DPH6: variants seen among roughly 807,000 people sequenced by gnomAD.
DPH6 encodes diphthine--ammonia ligase.
A neutral mutation model predicts 38.2 loss-of-function variants in DPH6; 33 were observed. The observed-to-expected ratio is 0.86, with a 90% CI of 0.65 to 1.15. DPH6 has a LOEUF of 1.15. DPH6 is among the 50% of genes most tolerant of loss of function. The pLI is 0.00. For synonymous variants in DPH6, 108 were observed against 103.0 expected, an observed-to-expected ratio of 1.05 and a Z score of -0.30; for missense variants, 325 against 320.0, an observed-to-expected ratio of 1.02 and a Z score of -0.12.
At chr15:35,311,127 G>T (rs1458103943) in intron 3 of DPH6, among the ~76,000 whole-genome samples, 1 of 151,310 alleles carries the variant, frequency 6.6e-6, no homozygotes, top group Non-Finnish European at 1.5e-5. Context: ...TACTAAAAGA[G>T]ATTGGAGAAT....
chr15:35,438,497 T>C (rs1340143195), intron 5 of DPH6, among the ~76,000 whole-genome samples: 2 of 152,228 alleles, frequency 1.3e-5, no homozygotes, highest in Non-Finnish European at 2.9e-5. Flanking sequence ...GTCTTCCAGC[T>C]TTACCTGTTT....
intron 3 of DPH6, among the ~76,000 whole-genome samples, chr15:35,268,524 C>G (rs1039034670): frequency 6.7e-5 from 10 of 149,354 alleles, no homozygotes; most frequent in Non-Finnish European, 1.5e-4. Context: ...GTTTGCAGCT[C>G]TAAAAAAAAA....
At position 35,484,577 on chromosome 15, in the gene DPH6, T is replaced by C. The variant is rs191567694; in HGVS notation, c.313-29757A>G. Among the ~76,000 whole-genome samples, 481 of 152,340 alleles carry C rather than the reference T, an allele frequency of 3.2e-3. 11 individuals are homozygous for C. Among genetic ancestry groups the C allele is most frequent in the Non-Finnish European group, 4.0e-3 (269 of 68,024 alleles). On this transcript the variant is annotated intron_variant, in intron 3 of 8. Transcript: ENST00000256538. ...CTCAGTTTCTTGCCATGTGGACCCC[T>C]CCATCGGGAAGCTTACAATATGGCA...
chr15:35,525,517 G>C (rs1479399853), intron 3 of DPH6, among the ~76,000 whole-genome samples: 1 of 152,022 alleles, frequency 6.6e-6, no homozygotes, highest in Non-Finnish European at 1.5e-5. Context: ...ACAAGCTCAG[G>C]GGACAACTAA....
chr15:35,290,125 T>C (rs764283443), intron 3 of DPH6, among the ~76,000 whole-genome samples: 9 of 152,318 alleles, frequency 5.9e-5, no homozygotes, highest in African/African-American at 1.2e-4. Flanking sequence ...CAAGGGCAAA[T>C]TGAAGCCAGC....
At chr15:35,240,346 C>T (rs1221037461) in intron 3 of DPH6, among the ~76,000 whole-genome samples, 2 of 142,950 alleles carry the variant, frequency 1.4e-5, no homozygotes, top group Middle Eastern at 3.6e-3. Flanking sequence ...TGCAACTCGT[C>T]CCAAATCTTC....
intron 1 of DPH6, among the ~76,000 whole-genome samples, chr15:35,542,945 A>AAC (rs918808642): frequency 7.3e-4 from 22 of 30,228 alleles, no homozygotes; most frequent in African/African-American, 1.6e-3. Flanking sequence ...CCACTTAAGG[A>AAC]ATATATATAT....
chr15:35,245,767 T>C (rs1003186259), intron 3 of DPH6, among the ~76,000 whole-genome samples: 1 of 151,426 alleles, frequency 6.6e-6, no homozygotes, highest in African/African-American at 2.4e-5. Context: ...GAAAATCTCT[T>C]AACTCAAGAG....
At position 35,244,298 on chromosome 15, in the gene DPH6, A is replaced by G. The variant is rs1222605726; in HGVS notation, n.201-23716T>C. Reference sequence around the variant, plus strand: ...TTTCCTCCCCTCTGGGAACTGGAAGAGTTCCTTGAATGACCTCTTTAAATG... The same window carrying G: ...TTTCCTCCCCTCTGGGAACTGGAAGGGTTCCTTGAATGACCTCTTTAAATG... On this transcript the variant is annotated intron_variant and non_coding_transcript_variant, in intron 3 of 3. Coordinates refer to the DPH6 transcript ENST00000560386. Among the ~76,000 whole-genome samples, 4 of 152,186 alleles carry G rather than the reference A, an allele frequency of 2.6e-5. No homozygotes were observed. In the East Asian group the frequency reaches 7.7e-4, roughly 29 times the overall value.
Position 35,382,140 on chromosome 15 carries a change from A to T in DPH6, c.568-224T>A, listed in dbSNP as rs72703169. Among the ~76,000 whole-genome samples, 264 of 152,348 alleles carry T rather than the reference A, an allele frequency of 1.7e-3. 1 individual carries two copies. Among genetic ancestry groups the T allele is most frequent in the East Asian group, 5.0e-3 (26 of 5,184 alleles). ...CAAGAATGCCAAAACTCTTAAAAAA[A>T]AATAACATTAAGAGGCCAGGCGCGT... On this transcript the variant is annotated intron_variant, in intron 6 of 8. Coordinates refer to ENST00000256538, the MANE Select transcript of DPH6 (RefSeq NM_080650.4).
At chr15:35,392,066 T>C (rs1401895054) in intron 6 of DPH6, among the ~76,000 whole-genome samples, 1 of 152,218 alleles carries the variant, frequency 6.6e-6, no homozygotes, top group Non-Finnish European at 1.5e-5. Context: ...TAATTAATGT[T>C]AGGTTAAGCT....
intron 3 of DPH6, among the ~76,000 whole-genome samples, chr15:35,235,843 G>C (rs181221478): frequency 6.6e-6 from 1 of 152,174 alleles, no homozygotes; most frequent in Admixed American, 6.5e-5. Context: ...ATGCAAGAAA[G>C]TGTACTGCAG....
chr15:35,197,672 G>A, the DPH6 span, among the ~76,000 whole-genome samples: 16 of 152,146 alleles, frequency 1.1e-4, no homozygotes, highest in East Asian at 3.1e-3. Context: ...TTTGAATTAA[G>A]TCACATCATC....
At chr15:35,284,594 A>G (rs113992941) in intron 3 of DPH6, among the ~76,000 whole-genome samples, 3,981 of 150,962 alleles carry the variant, frequency 0.026, 165 homozygotes, top group African/African-American at 0.091. Flanking sequence ...ATTTTGTAAC[A>G]GCCAGTAGAC....
At chr15:35,180,000 G>A in the DPH6 span, among the ~76,000 whole-genome samples, 1 of 152,092 alleles carries the variant, frequency 6.6e-6, no homozygotes, top group Admixed American at 6.6e-5. Context: ...GGAGGGGTGA[G>A]CTGACTTGCA....
intron 5 of DPH6, among the ~76,000 whole-genome samples, chr15:35,446,874 T>G (rs1337518678): frequency 6.6e-6 from 1 of 151,714 alleles, no homozygotes; most frequent in Non-Finnish European, 1.5e-5. Flanking sequence ...TGGAATCTTT[T>G]TTTTTTTTTC....
chr15:35,542,424 G>T lies in DPH6; in HGVS notation c.107C>A (p.Ala36Asp), dbSNP rs373612094. 3 of 1,566,134 alleles carry T rather than the reference G, an allele frequency of 1.9e-6. No individual in the cohort carries two copies. Among genetic ancestry groups the T allele is most frequent in the Admixed American group, 3.4e-5 (2 of 59,590 alleles). Residue 36 changes from alanine to aspartate, a missense_variant, in exon 2 of 9, where the codon GCT (alanine) becomes GAT (aspartate). Coordinates refer to ENST00000256538, the MANE Select transcript of DPH6 (RefSeq NM_080650.4). ...AGGCATGTACTTACCTTGGTTTTCAGCTGGTCTTAGATTTGCTAAAGCAAC... is the reference window on the plus strand; with the variant it reads ...AGGCATGTACTTACCTTGGTTTTCATCTGGTCTTAGATTTGCTAAAGCAAC... ...QIVALANLRP[A>D]ENQVGSDELD...
chr15:35,432,320 T>C (rs1228860167), intron 5 of DPH6, among the ~76,000 whole-genome samples: 1 of 152,212 alleles, frequency 6.6e-6, no homozygotes, highest in African/African-American at 2.4e-5. Context: ...TCCTCTTTGG[T>C]AGTGTTTGCT....
At chr15:35,459,771 A>T (rs1486137307) in intron 3 of DPH6, among the ~76,000 whole-genome samples, 1 of 152,214 alleles carries the variant, frequency 6.6e-6, no homozygotes. Flanking sequence ...AGATATAATC[A>T]GGATAAAGTA....
Sources: allele counts gnomAD v4.1 joint callset (sites outside exome capture counted in the v4.1 genomes callset), GRCh38; gene constraint gnomAD v4.1.1; transcripts MANE v1.5; gene names NCBI Gene and HGNC (gene_info 2026-07-23, HGNC 2026-07-21).